EFCC1: variants seen among roughly 807,000 people sequenced by gnomAD.
The protein encoded by EFCC1 is EF-hand and coiled-coil domain-containing protein 1.
In EFCC1, 50 loss-of-function variants were observed where a neutral mutation model predicts 52.1. The ratio of observed to expected loss-of-function variants is 0.96; its 90% CI spans 0.76 to 1.21. The LOEUF is 1.21. Among genes scored for constraint, EFCC1 ranks in the 50% most tolerant of loss-of-function variants. The probability of loss-of-function intolerance (pLI) is 0.00; values close to 1 mark genes in which losing one functional copy is unlikely to be tolerated. For synonymous variants in EFCC1, 399 were observed against 396.5 expected (o/e 1.01, Z -0.08); for missense variants, 837 against 867.3 (o/e 0.97, Z 0.44).
intron 2 of EFCC1, 154 bp from the exon 3 acceptor site, chr3:129,030,549 G>C: frequency 1.2e-6 from 1 of 831,638 alleles, no homozygotes; most frequent in African/African-American, 1.8e-5. Flanking sequence ...GGGATGCTGG[G>C]AATCTGAGTA....
chr3:129,033,356 T>TC (rs1003882576), intron 4 of EFCC1, among the ~76,000 whole-genome samples: 3 of 151,956 alleles, frequency 2.0e-5, no homozygotes, highest in African/African-American at 7.3e-5. Flanking sequence ...CATCCTCACC[T>TC]CCACCCCCAT....
chr3:129,030,603 G>T, intron 2 of EFCC1, 100 bp from the exon 3 acceptor site: 3 of 1,348,294 alleles, frequency 2.2e-6, no homozygotes, highest in Non-Finnish European at 9.9e-7. Context: ...CTCTGCCAGG[G>T]TGACAATGGG....
At chr3:129,007,889 A>G (rs912519653) in intron 2 of EFCC1, among the ~76,000 whole-genome samples, 2 of 152,322 alleles carry the variant, frequency 1.3e-5, no homozygotes, top group South Asian at 2.1e-4. Flanking sequence ...GTAGCATTCA[A>G]CCATACTAAT....
chr3:129,001,758 G>T lies in EFCC1; in HGVS notation c.130G>T (p.Val44Leu). Residue 44 changes from valine (V) to leucine (L), a missense_variant, in exon 1 of 8, where the codon GTG becomes TTG. Val to Leu is a conservative substitution (Grantham distance 32, BLOSUM62 1). Coordinates refer to ENST00000683648, the MANE Select transcript of EFCC1 (RefSeq NM_001377500.1). The stretch of plus-strand genomic sequence containing the variant: ...GCACCACTACGGGCTGGACCGCGGC[G>T]TGGAGAACGAGATCGTGGTGCTGGC... ...LAHHYGLDRG[V>L]ENEIVVLATG... 1.3e-6 allele frequency: 2 copies of T among 1,541,806 alleles called. No individual in the cohort carries two copies. The highest frequency in any genetic ancestry group is 1.7e-6 in the Non-Finnish European group (2 of 1,145,162).
At chr3:129,005,617 C>T (rs1945039226) in intron 2 of EFCC1, among the ~76,000 whole-genome samples, 1 of 152,244 alleles carries the variant, frequency 6.6e-6, no homozygotes, top group South Asian at 2.1e-4. Context: ...GTGCAGAGCC[C>T]AGTGAGGGGC....
At chr3:129,035,169 T>G (rs1946339930) in intron 5 of EFCC1, among the ~76,000 whole-genome samples, 1 of 152,238 alleles carries the variant, frequency 6.6e-6, no homozygotes, top group Non-Finnish European at 1.5e-5. Flanking sequence ...TCTAAGTCTG[T>G]ACTGCTTTTT....
At position 129,010,246 on chromosome 3, in the gene EFCC1, C is replaced by T. The variant is rs142269832; in HGVS notation, c.980+6169C>T. Among the ~76,000 whole-genome samples the T allele has an allele frequency of 4.1e-4, 63 of 152,352 alleles. No homozygotes were observed. Among genetic ancestry groups the T allele is most frequent in the African/African-American group, 1.3e-3 (55 of 41,580 alleles). ...TTGTGACATCTCGTCCTTTTGAAACCGCCCATATCTCAACCAGTTGCCTGG... is the reference window on the plus strand; with the variant it reads ...TTGTGACATCTCGTCCTTTTGAAACTGCCCATATCTCAACCAGTTGCCTGG... On this transcript the variant is annotated intron_variant, in intron 2 of 7. Coordinates refer to ENST00000683648, the MANE Select transcript of EFCC1 (RefSeq NM_001377500.1). This position sits in a 1 kb window ranked among gnomAD's most constrained non-coding sequence, Gnocchi z 4.3.
rs551232704 is a variant in EFCC1 at position 129,038,919 on chromosome 3, C to T, written c.1663+19C>T. Reference sequence around the variant, plus strand: ...ACCCACGGTAGGAGAGCACCCTAGTCTCTCAGAGCCCACGCAGTGGCTGGA... The same window carrying T: ...ACCCACGGTAGGAGAGCACCCTAGTTTCTCAGAGCCCACGCAGTGGCTGGA... On this transcript the variant is annotated intron_variant, in intron 7 of 7. Transcript: ENST00000683648. 13 of 1,611,444 alleles carry T rather than the reference C, an allele frequency of 8.1e-6. No individual in the cohort carries two copies. The East Asian group carries it at 2.7e-4, about 33-fold the overall frequency.
intron 5 of EFCC1, among the ~76,000 whole-genome samples, chr3:129,036,686 C>T (rs757559612): frequency 1.1e-4 from 16 of 152,216 alleles, no homozygotes; most frequent in African/African-American, 1.4e-4. Context: ...ACTAGCCTGC[C>T]ATAAATTTCC....
At chr3:129,036,870 T>A in intron 5 of EFCC1, 107 bp from the exon 6 acceptor site, 1 of 1,547,924 alleles carries the variant, frequency 6.5e-7, no homozygotes, top group Non-Finnish European at 8.7e-7. Context: ...CACACTCAGC[T>A]TCTCTGGGCC....
intron 7 of EFCC1, 150 bp from the exon 8 acceptor site, chr3:129,039,562 G>A: frequency 8.2e-7 from 1 of 1,214,516 alleles, no homozygotes; most frequent in Admixed American, 2.5e-5. Flanking sequence ...GTCCTCAGGG[G>A]GAGGTGGTCC....
chr3:129,011,550 CA>C (rs1201411639), intron 2 of EFCC1, among the ~76,000 whole-genome samples: 3,099 of 93,372 alleles, frequency 0.033, 86 homozygotes, highest in African/African-American at 0.098. Flanking sequence ...GACTCCGTCT[CA>C]AAAAAAAAAA....
At position 129,014,107 on chromosome 3, in the gene EFCC1, T is replaced by C. The variant is rs761903842; in HGVS notation, c.980+10030T>C. Among the ~76,000 whole-genome samples, 18 of 152,230 alleles carry C rather than the reference T, an allele frequency of 1.2e-4. No homozygotes were observed. The highest frequency in any genetic ancestry group is 2.0e-4 in the Admixed American group (3 of 15,282). On this transcript the variant is annotated intron_variant, in intron 2 of 7. Coordinates refer to ENST00000683648, the MANE Select transcript of EFCC1 (RefSeq NM_001377500.1). This position sits in a 1 kb window ranked among gnomAD's most constrained non-coding sequence, Gnocchi z 4.3. Reference sequence around the variant, plus strand: ...CATGATTTTCTGTCAGAAATAACCATTGGCTTTTCTTCATTCAACCAAATT... The same window carrying C: ...CATGATTTTCTGTCAGAAATAACCACTGGCTTTTCTTCATTCAACCAAATT...
chr3:129,033,012 G>C (rs1433059596), intron 4 of EFCC1, 46 bp downstream of exon 4: 12 of 1,456,746 alleles, frequency 8.2e-6, no homozygotes, highest in Non-Finnish European at 1.1e-5. Flanking sequence ...GCAGGCTCCA[G>C]AGGTGTCTGG....
Position 129,032,834 on chromosome 3 carries a change from T to G in EFCC1, c.1154T>G (p.Leu385Arg), listed in dbSNP as rs754388712. ...RALDEAVDEQ[L>R]FRSVEGQAAS... is the part of the protein sequence containing the mutation. ...GCTTCCCCAGCAGTGGACGAGCAGC[T>G]GTTCCGCTCCGTGGAGGGCCAGGCC... is the stretch of plus-strand genomic sequence containing the variant. Residue 385 changes from leucine to arginine, a missense_variant, in exon 4 of 8, where the codon CTG becomes CGG. Transcript: ENST00000683648. 1.3e-6 allele frequency: 2 copies of G among 1,551,266 alleles called. No individual in the cohort carries two copies. Among genetic ancestry groups the G allele is most frequent in the South Asian group, 2.4e-5 (2 of 84,036 alleles).
At chr3:129,024,604 G>A (rs921921661) in intron 2 of EFCC1, among the ~76,000 whole-genome samples, 4 of 152,050 alleles carry the variant, frequency 2.6e-5, no homozygotes, top group African/African-American at 7.2e-5. Context: ...GGAAGTAAAG[G>A]GCATGTCACA....
chr3:129,015,941 T>C (rs1439327500), intron 2 of EFCC1, among the ~76,000 whole-genome samples: 1 of 152,242 alleles, frequency 6.6e-6, no homozygotes. Context: ...AGCGTGGCCG[T>C]GGCCTGATGG....
intron 2 of EFCC1, among the ~76,000 whole-genome samples, chr3:129,028,780 T>C (rs1362600751): frequency 6.6e-6 from 1 of 152,054 alleles, no homozygotes; most frequent in Non-Finnish European, 1.5e-5. Context: ...GTAGCTGGGA[T>C]TACAGGCACG....
Position 129,032,851 on chromosome 3 carries a change from G to C in EFCC1, c.1171G>C (p.Gly391Arg). The change falls in exon 4 of 8, where the codon GGC becomes CGC. Residue 391 changes from glycine to arginine, a missense_variant. Coordinates refer to ENST00000683648, the MANE Select transcript of EFCC1 (RefSeq NM_001377500.1). The stretch of plus-strand genomic sequence containing the variant: ...CGAGCAGCTGTTCCGCTCCGTGGAG[G>C]GCCAGGCCGCCTCTGACGAGGAGGA... ...VDEQLFRSVE[G>R]QAASDEEEVE... 2 of 1,551,476 alleles carry C rather than the reference G, an allele frequency of 1.3e-6. No individual in the cohort carries two copies. The highest frequency in any genetic ancestry group is 1.7e-6 in the Non-Finnish European group (2 of 1,146,930).
Sources: gnomAD v4.1 joint callset for allele counts (sites outside exome capture counted in the v4.1 genomes callset) on GRCh38, gnomAD v4.1.1 for gene constraint, Gnocchi (gnomAD v3.1) non-coding constraint, MANE v1.5 for transcripts, NCBI Gene and HGNC (gene_info 2026-07-23, HGNC 2026-07-21) for gene names.